Variants in MIPOL1 observed in about 807,000 individuals in gnomAD.
MIPOL1 encodes mirror-image polydactyly gene 1 protein.
Under a neutral mutation model 60.9 loss-of-function variants are expected in MIPOL1, and 57 were observed. The observed-to-expected ratio is 0.94, with a 90% CI of 0.76 to 1.17. The LOEUF is 1.17. MIPOL1 is among the 50% of genes most tolerant of loss of function. The pLI is 0.00. For missense variants in MIPOL1, 551 were observed against 511.6 expected (o/e 1.08, Z -0.74); for synonymous variants, 179 against 168.8 (o/e 1.06, Z -0.47).
Position 37,451,806 on chromosome 14 carries a change from C to T in MIPOL1, c.1031+28857C>T, listed in dbSNP as rs1477352089. 8.5e-5 allele frequency among the ~76,000 whole-genome samples: 9 copies of T among 106,206 alleles called. No homozygotes were observed. In the East Asian group the frequency reaches 1.6e-3, roughly 18 times the overall value. 69.7% of individuals were successfully genotyped at this position (106,206 alleles called of 152,430 possible). On this transcript the variant is annotated intron_variant, in intron 11 of 12. Transcript: ENST00000684589. ...GCCTTAAGGTTCTTTTGTTTATTCT[C>T]TCTTTTTTTTTTTTTTTTTTTTTTT...
intron 12 of MIPOL1, among the ~76,000 whole-genome samples, chr14:37,536,380 C>G (rs2095506405): frequency 6.6e-6 from 1 of 152,126 alleles, no homozygotes; most frequent in South Asian, 2.1e-4. Flanking sequence ...CAAAATACAT[C>G]TATTTTGATA....
chr14:37,547,004 A>T lies in MIPOL1; in HGVS notation c.*33A>T. 1 of 1,584,794 alleles carries T rather than the reference A, an allele frequency of 6.3e-7. No individual in the cohort carries two copies. The highest frequency in any genetic ancestry group is 8.7e-7 in the Non-Finnish European group (1 of 1,153,928). On this transcript the variant is annotated 3_prime_UTR_variant, in exon 13 of 13. Transcript: ENST00000684589. ...AAAACGACAGTCTGGGGAAGCGATC[A>T]CATCTGGTGACCAGGCTGCTTCATT...
At chr14:37,387,121 G>T (rs962909253) in intron 10 of MIPOL1, among the ~76,000 whole-genome samples, 2 of 151,830 alleles carry the variant, frequency 1.3e-5, no homozygotes, top group Non-Finnish European at 2.9e-5. Context: ...GCTGCAGACA[G>T]TACCTTAAAG....
chr14:37,207,306 A>G (rs965104320), intron 1 of MIPOL1, among the ~76,000 whole-genome samples: 1 of 152,106 alleles, frequency 6.6e-6, no homozygotes, highest in African/African-American at 2.4e-5. Flanking sequence ...TGCCACCACC[A>G]TGTGAAATGT....
At chr14:37,206,614 A>G (rs1424836028) in intron 1 of MIPOL1, among the ~76,000 whole-genome samples, 2 of 152,168 alleles carry the variant, frequency 1.3e-5, no homozygotes, top group Admixed American at 6.5e-5. Flanking sequence ...AGCTTGCACC[A>G]TGCTCCTGGA....
At chr14:37,198,458 G>T (rs1043562049) in intron 1 of MIPOL1, among the ~76,000 whole-genome samples, 1 of 152,090 alleles carries the variant, frequency 6.6e-6, no homozygotes, top group African/African-American at 2.4e-5. Flanking sequence ...CTCAACCTCT[G>T]ATCGACTCTG....
chr14:37,481,560 A>ACCACAC (rs1491233595), intron 11 of MIPOL1, among the ~76,000 whole-genome samples: 1 of 113,148 alleles, frequency 8.8e-6, no homozygotes, highest in Non-Finnish European at 1.8e-5. Context: ...GACCCCCCCC[A>ACCACAC]ACACACACAC....
rs187368786 is a variant in MIPOL1 at position 37,376,560 on chromosome 14, A to C, written c.936+6936A>C. 7.9e-5 allele frequency among the ~76,000 whole-genome samples: 12 copies of C among 152,084 alleles called. No homozygotes were observed. The East Asian group carries it at 2.3e-3, about 30-fold the overall frequency. On this transcript the variant is annotated intron_variant, in intron 10 of 12. Transcript: ENST00000684589. ...CTTGCTCAAAAAAAAATCAGGATAT[A>C]GTTGCTTAATGTTCTGTCAGTGACT... is the stretch of plus-strand genomic sequence containing the variant.
rs527731110 is a variant in MIPOL1, at chr14:37,284,063, A to G, written c.494-1255A>G. 1.3e-5 allele frequency among the ~76,000 whole-genome samples: 2 copies of G among 152,236 alleles called. 1 individual carries two copies. Among genetic ancestry groups the G allele is most frequent in the South Asian group, 4.1e-4 (2 of 4,824 alleles). ...AAATTATGTAAGATTTCAAACATAC[A>G]AACAATAAAATTATGCCTAAGAAAT... On this transcript the variant is annotated intron_variant, in intron 6 of 12. Coordinates refer to ENST00000684589, the MANE Select transcript of MIPOL1 (RefSeq NM_001388067.1).
intron 12 of MIPOL1, among the ~76,000 whole-genome samples, chr14:37,535,048 AT>A (rs1188859550): frequency 6.6e-6 from 1 of 152,156 alleles, no homozygotes; most frequent in Non-Finnish European, 1.5e-5. Context: ...TGCTTTAATT[AT>A]TCTCTATGTT....
At chr14:37,263,383 CTGT>C (rs2082647018) in intron 3 of MIPOL1, among the ~76,000 whole-genome samples, 1 of 152,184 alleles carries the variant, frequency 6.6e-6, no homozygotes, top group Non-Finnish European at 1.5e-5. Flanking sequence ...GATGAATAAA[CTGT>C]CTAGCAATAG....
chr14:37,278,813 A>T (rs1194376803), intron 6 of MIPOL1: 2 of 151,840 alleles, frequency 1.3e-5, no homozygotes, highest in Non-Finnish European at 3.0e-5. Flanking sequence ...TTGCCAATAG[A>T]CTTGGGTCTA....
At position 37,524,426 on chromosome 14, in the gene MIPOL1, G is replaced by A. The variant is rs137910169; in HGVS notation, c.1263-22479G>A. 2.2e-3 allele frequency among the ~76,000 whole-genome samples: 339 copies of A among 152,236 alleles called. 3 individuals are homozygous for A. Among genetic ancestry groups the A allele is most frequent in the Non-Finnish European group, 4.3e-3 (292 of 68,008 alleles). On this transcript the variant is annotated intron_variant, in intron 12 of 12. Coordinates refer to ENST00000684589, the MANE Select transcript of MIPOL1 (RefSeq NM_001388067.1). ...CTGATAAATGGGAATACCATTTACTGAGATTTGGAAGACTGGAGGAAGAAC... is the reference window on the plus strand; with the variant it reads ...CTGATAAATGGGAATACCATTTACTAAGATTTGGAAGACTGGAGGAAGAAC...
At chr14:37,503,625 C>A (rs2095246253) in intron 12 of MIPOL1, 1 of 152,054 alleles carries the variant, frequency 6.6e-6, no homozygotes, top group African/African-American at 2.4e-5. Flanking sequence ...TGGAAAGGAA[C>A]AATTGGAACA....
At chr14:37,220,885 C>T (rs1344221888) in intron 1 of MIPOL1, among the ~76,000 whole-genome samples, 1 of 152,152 alleles carries the variant, frequency 6.6e-6, no homozygotes, top group Non-Finnish European at 1.5e-5. Flanking sequence ...AAGCAATCCT[C>T]CCACCTCAGC....
chr14:37,296,643 A>G (rs560123088), intron 7 of MIPOL1, among the ~76,000 whole-genome samples: 51 of 152,340 alleles, frequency 3.3e-4, no homozygotes, highest in Non-Finnish European at 5.4e-4. Flanking sequence ...ATCCCACAGA[A>G]ATACAAACTA....
At chr14:37,282,747 C>CAAAAAAAAAA (rs59301708) in intron 6 of MIPOL1, among the ~76,000 whole-genome samples, 2 of 67,888 alleles carry the variant, frequency 2.9e-5, no homozygotes, top group African/African-American at 6.2e-5. Context: ...GACCCTGTCT[C>CAAAAAAAAAA]AAAAAAAAAA....
At chr14:37,249,147 G>A (rs1273981793) in intron 3 of MIPOL1, among the ~76,000 whole-genome samples, 2 of 152,110 alleles carry the variant, frequency 1.3e-5, no homozygotes, top group African/African-American at 4.8e-5. Flanking sequence ...CTTTCTGAAT[G>A]TGATATTACA....
chr14:37,361,778 T>A (rs2092269344), intron 9 of MIPOL1, among the ~76,000 whole-genome samples: 1 of 151,986 alleles, frequency 6.6e-6, no homozygotes, highest in Non-Finnish European at 1.5e-5. Flanking sequence ...CAGCTAATTT[T>A]TTGTATTTTT....
Sources: gnomAD v4.1 joint callset for allele counts (sites outside exome capture counted in the v4.1 genomes callset) on GRCh38, gnomAD v4.1.1 for gene constraint, MANE v1.5 for transcripts, NCBI Gene and HGNC (gene_info 2026-07-23, HGNC 2026-07-21) for gene names.